The following MDGA2 variants were observed in gnomAD, a reference collection of about 807,000 sequenced individuals.
MDGA2 encodes MAM domain containing glycosylphosphatidylinositol anchor 2.
Under a neutral mutation model 117.8 loss-of-function variants are expected in MDGA2, and 40 were observed. The ratio of observed to expected loss-of-function variants is 0.34; its 90% CI spans 0.26 to 0.44. MDGA2 has a LOEUF of 0.44. MDGA2 is among the 20% of genes least tolerant of loss of function. The pLI, the probability that MDGA2 is intolerant of heterozygous loss-of-function variation, is 1.00. For synonymous variants in MDGA2, 452 were observed against 439.0 expected (o/e 1.03, Z -0.37); for missense variants, 1,123 against 1,250.6 (o/e 0.90, Z 1.54).
intron 1 of MDGA2, among the ~76,000 whole-genome samples, chr14:47,441,858 T>G (rs1893018696): frequency 6.6e-6 from 1 of 152,180 alleles, no homozygotes; most frequent in African/African-American, 2.4e-5. Context: ...TGAGAATGAT[T>G]AGAAACAGCT....
At chr14:46,957,691 A>G (rs1885619380) in intron 8 of MDGA2, 48 bp from the exon 9 acceptor site, 1 of 1,602,376 alleles carries the variant, frequency 6.2e-7, no homozygotes, top group Admixed American at 1.7e-5. Context: ...ACTTGCAATA[A>G]GCCAAAAGCT....
chr14:47,226,191 G>GCAA (rs1313639600), intron 2 of MDGA2, among the ~76,000 whole-genome samples: 1 of 150,700 alleles, frequency 6.6e-6, no homozygotes, highest in African/African-American at 2.4e-5. Flanking sequence ...TCCAGCCTGG[G>GCAA]CAACAGAGTG....
chr14:47,543,067 C>T (rs967753718), intron 1 of MDGA2, among the ~76,000 whole-genome samples: 2 of 151,940 alleles, frequency 1.3e-5, no homozygotes, highest in Admixed American at 6.6e-5. Context: ...AAAAATTAGC[C>T]AGGCATGGTG....
At chr14:47,384,758 C>T (rs983902580) in intron 1 of MDGA2, among the ~76,000 whole-genome samples, 2 of 152,034 alleles carry the variant, frequency 1.3e-5, no homozygotes, top group Non-Finnish European at 2.9e-5. Context: ...CAGTGGAGAA[C>T]AAAATATTGC....
At chr14:47,563,573 T>G (rs1895855962) in intron 1 of MDGA2, among the ~76,000 whole-genome samples, 1 of 119,404 alleles carries the variant, frequency 8.4e-6, no homozygotes, top group Non-Finnish European at 1.9e-5. Context: ...CCCCTGCTTT[T>G]TTCTGTTTTT....
At chr14:47,080,076 T>G (rs946949929) in intron 6 of MDGA2, among the ~76,000 whole-genome samples, 2 of 152,108 alleles carry the variant, frequency 1.3e-5, no homozygotes, top group South Asian at 4.1e-4. Flanking sequence ...TTCAGTAAAA[T>G]AGAATGAGGA....
At chr14:46,951,033 C>A (rs1036159299) in intron 9 of MDGA2, among the ~76,000 whole-genome samples, 2 of 151,724 alleles carry the variant, frequency 1.3e-5, no homozygotes, top group African/African-American at 4.8e-5. Context: ...TTTTTAATTT[C>A]TTTATATACT....
intron 8 of MDGA2, among the ~76,000 whole-genome samples, chr14:47,023,502 C>A (rs1411136024): frequency 6.6e-6 from 1 of 152,096 alleles, no homozygotes; most frequent in Non-Finnish European, 1.5e-5. Flanking sequence ...GATTTCTTTT[C>A]ATCATGGCAA....
intron 1 of MDGA2, among the ~76,000 whole-genome samples, chr14:47,405,888 A>C (rs1226250686): frequency 6.6e-6 from 1 of 152,194 alleles, no homozygotes; most frequent in Non-Finnish European, 1.5e-5. Context: ...CAACATTGTA[A>C]GTAGCACCTG....
At chr14:47,062,499 CT>C (rs5808374) in intron 6 of MDGA2, among the ~76,000 whole-genome samples, 55,059 of 145,474 alleles carry the variant, frequency 0.38, 10,146 homozygotes, top group Middle Eastern at 0.5. Context: ...ACAGATTTTT[CT>C]TTTTTTTTTT....
At chr14:47,376,214 C>T (rs550767447) in intron 1 of MDGA2, among the ~76,000 whole-genome samples, 71 of 152,158 alleles carry the variant, frequency 4.7e-4, no homozygotes, top group African/African-American at 1.7e-3. Context: ...ATTTTGAAAA[C>T]CTGTGTGAAT....
chr14:47,020,241 T>G (rs1280323845), intron 8 of MDGA2, among the ~76,000 whole-genome samples: 1 of 152,184 alleles, frequency 6.6e-6, no homozygotes, highest in African/African-American at 2.4e-5. Flanking sequence ...ATAAAAAATA[T>G]GAAATTACTG....
At chr14:46,870,932 T>C (rs1595009587) in intron 14 of MDGA2, 1 of 151,916 alleles carries the variant, frequency 6.6e-6, no homozygotes, top group East Asian at 1.9e-4. Flanking sequence ...TTTAAGTAAT[T>C]CAGAATATTG....
chr14:46,858,377 C>T (rs1213140429), intron 14 of MDGA2, among the ~76,000 whole-genome samples: 1 of 150,418 alleles, frequency 6.6e-6, no homozygotes, highest in Admixed American at 6.6e-5. Flanking sequence ...TGTTATTTCA[C>T]GGAACACATT....
At chr14:47,309,088 T>C (rs1188919474) in intron 1 of MDGA2, among the ~76,000 whole-genome samples, 1 of 152,138 alleles carries the variant, frequency 6.6e-6, no homozygotes, top group African/African-American at 2.4e-5. Context: ...AAGCTAAATG[T>C]TCAACTTGTA....
At chr14:47,360,111 G>T (rs1891083964) in intron 1 of MDGA2, among the ~76,000 whole-genome samples, 1 of 152,046 alleles carries the variant, frequency 6.6e-6, no homozygotes, top group Non-Finnish European at 1.5e-5. Context: ...CAGCACTTTG[G>T]GAGGCTGAGG....
chr14:47,636,657 C>T (rs1021054505), intron 1 of MDGA2, among the ~76,000 whole-genome samples: 43 of 151,666 alleles, frequency 2.8e-4, no homozygotes, highest in Non-Finnish European at 5.2e-4. Context: ...TAGTGGCAGG[C>T]GCCTGTAGTC....
Position 47,259,698 on chromosome 14 carries a change from C to A in MDGA2, c.421-41503G>T, listed in dbSNP as rs537767514. ...ATGGCGATATATAAAATAGGAACTC[C>A]GAAGAAAAGTGGCTTTAGAAAATAA... On this transcript the variant is annotated intron_variant, in intron 2 of 16. Coordinates refer to ENST00000399232, the MANE Select transcript of MDGA2 (RefSeq NM_001113498.3). Among the ~76,000 whole-genome samples the A allele has an allele frequency of 2.2e-4, 34 of 151,932 alleles. No homozygotes were observed. In the South Asian group the frequency reaches 6.7e-3, roughly 30 times the overall value.
intron 6 of MDGA2, among the ~76,000 whole-genome samples, chr14:47,076,378 CG>C (rs1316698407): frequency 1.3e-5 from 2 of 151,856 alleles, no homozygotes; most frequent in African/African-American, 4.8e-5. Context: ...TAATTTCTTG[CG>C]GTTAAAAATC....
Sources: allele counts gnomAD v4.1 joint callset (sites outside exome capture counted in the v4.1 genomes callset), GRCh38; gene constraint gnomAD v4.1.1; transcripts MANE v1.5; gene names NCBI Gene and HGNC (gene_info 2026-07-23, HGNC 2026-07-21).